The following COL5A2 variants were observed in gnomAD, a reference collection of about 807,000 sequenced individuals.
COL5A2 encodes collagen type V alpha 2 chain.
In COL5A2, 23 loss-of-function variants were observed where a neutral mutation model predicts 208.2. The ratio of observed to expected loss-of-function variants is 0.11; its 90% CI spans 0.08 to 0.16. The LOEUF (loss-of-function observed/expected upper bound fraction) is 0.16, where lower values mean the gene tolerates loss of function less well. COL5A2 is among the 10% of genes least tolerant of loss of function. The probability of loss-of-function intolerance (pLI) is 1.00; values close to 1 mark genes in which losing one functional copy is unlikely to be tolerated. For synonymous variants in COL5A2, 625 were observed against 628.5 expected (o/e 0.99, Z 0.08); for missense variants, 1,590 against 1,956.4 (o/e 0.81, Z 3.53).
chr2:189,289,510 A>G, the COL5A2 span, among the ~76,000 whole-genome samples: 1 of 152,192 alleles, frequency 6.6e-6, no homozygotes, highest in Non-Finnish European at 1.5e-5. Context: ...TTTCTATTCA[A>G]CATAGTACTA....
rs1033855831 is a variant in COL5A2 at position 189,179,548 on chromosome 2, C to A, written c.57G>T (p.Gly19=). 4 of 1,611,162 alleles carry A rather than the reference C, an allele frequency of 2.5e-6. No homozygotes were observed. The highest frequency in any genetic ancestry group is 3.4e-6 in the Non-Finnish European group (4 of 1,178,626). The change falls in exon 1 of 54, where the codon GGG becomes GGT. Residue 19 remains glycine, a synonymous_variant. Transcript: ENST00000374866. ...CCTGGGCTTTTATTGAGACAAATTGCCCTAATAAAACAATAAGAATGAGGA... is the reference window on the plus strand; with the variant it reads ...CCTGGGCTTTTATTGAGACAAATTGACCTAATAAAACAATAAGAATGAGGA... ...RPLLILIVLL[G]QFVSIKAQEE... is the part of the protein sequence containing the mutation.
chr2:189,165,551 A>G (rs1356679254), intron 1 of COL5A2, among the ~76,000 whole-genome samples: 1 of 152,194 alleles, frequency 6.6e-6, no homozygotes, highest in Admixed American at 6.5e-5. Flanking sequence ...TAAAAGTACT[A>G]ATAACATCCA....
Position 189,110,327 on chromosome 2 carries a change from T to C in COL5A2, c.220A>G (p.Ile74Val), listed in dbSNP as rs1687236147. ...CDNGAILCDK[I>V]ECQDVLDCAD... is the part of the protein sequence containing the mutation. Reference sequence around the variant, plus strand: ...CAGTCCAGCACATCCTGGCATTCTATCTTGTCACAGAGAATGGCTCCATTG... The same window carrying C: ...CAGTCCAGCACATCCTGGCATTCTACCTTGTCACAGAGAATGGCTCCATTG... Residue 74 changes from isoleucine (I) to valine (V), a missense_variant, in exon 2 of 54, where the codon ATA (isoleucine) becomes GTA (valine). By Grantham distance (29) the Ile-to-Val change is conservative. Coordinates refer to ENST00000374866, the MANE Select transcript of COL5A2 (RefSeq NM_000393.5). 6.2e-7 allele frequency: 1 copy of C among 1,614,168 alleles called. No homozygotes were observed. The highest frequency in any genetic ancestry group is 2.2e-5 in the East Asian group (1 of 44,880).
At chr2:189,245,617 T>TG in the COL5A2 span, among the ~76,000 whole-genome samples, 1 of 151,848 alleles carries the variant, frequency 6.6e-6, no homozygotes, top group East Asian at 1.9e-4. Context: ...CCCGAGTAGC[T>TG]GGGACTACAG....
chr2:189,292,735 C>A, the COL5A2 span, among the ~76,000 whole-genome samples: 1 of 152,056 alleles, frequency 6.6e-6, no homozygotes, highest in Non-Finnish European at 1.5e-5. Flanking sequence ...ACCATTTGAC[C>A]CAGCCATCCT....
the COL5A2 span, among the ~76,000 whole-genome samples, chr2:189,240,460 C>T: frequency 6.6e-6 from 1 of 152,186 alleles, no homozygotes; most frequent in African/African-American, 2.4e-5. Flanking sequence ...CCTTCAAATA[C>T]TATCACACTG....
intron 1 of COL5A2, among the ~76,000 whole-genome samples, chr2:189,185,349 T>G (rs1230551664): frequency 6.6e-6 from 1 of 152,172 alleles, no homozygotes; most frequent in Non-Finnish European, 1.5e-5. Flanking sequence ...TTAAAAGATC[T>G]GTATGGCATG....
At chr2:189,259,196 A>G in the COL5A2 span, among the ~76,000 whole-genome samples, 2 of 152,182 alleles carry the variant, frequency 1.3e-5, no homozygotes, top group Non-Finnish European at 1.5e-5. Context: ...AAAGAAAAAA[A>G]TGCACTAGGA....
the COL5A2 span, among the ~76,000 whole-genome samples, chr2:189,298,410 C>T: frequency 6.6e-6 from 1 of 152,154 alleles, no homozygotes; most frequent in Non-Finnish European, 1.5e-5. Flanking sequence ...CCTCATTCTC[C>T]AATTCCATCT....
rs1685415466 is a variant in COL5A2 at position 189,035,031 on chromosome 2, T to C, written c.4238A>G (p.Asp1413Gly). The change falls in exon 53 of 54, where the codon GAC (aspartate) becomes GGC (glycine). Residue 1413 changes from aspartate (D) to glycine (G), a missense_variant. By Grantham distance (94) the Asp-to-Gly change is moderately conservative (BLOSUM62 -1). Transcript: ENST00000374866. ...YICKNSVGYM[D>G]DQAKNLKKAV... ...TTTTTTGAGGTTCTTAGCTTGATCG[T>C]CCATGTATCCTACACTGTTTTTACA... The C allele has an allele frequency of 6.2e-7, 1 of 1,613,834 alleles. No homozygotes were observed. Among genetic ancestry groups the C allele is most frequent in the African/African-American group, 1.3e-5 (1 of 74,906 alleles).
the COL5A2 span, among the ~76,000 whole-genome samples, chr2:189,248,480 G>C: frequency 3.3e-5 from 5 of 152,100 alleles, no homozygotes; most frequent in African/African-American, 1.2e-4. Flanking sequence ...AAACAAAGAA[G>C]TATTATCAAA....
the COL5A2 span, among the ~76,000 whole-genome samples, chr2:189,297,433 C>T: frequency 1.3e-5 from 2 of 152,228 alleles, no homozygotes; most frequent in East Asian, 1.9e-4. Context: ...GCATGACATG[C>T]TAGTACCAAA....
At chr2:189,084,116 A>G in intron 11 of COL5A2, 79 bp from the exon 12 acceptor site, 2 of 972,788 alleles carry the variant, frequency 2.1e-6, no homozygotes, top group Non-Finnish European at 3.3e-6. Context: ...TGATAAATAA[A>G]TTACTAATAA....
the COL5A2 span, among the ~76,000 whole-genome samples, chr2:189,413,661 G>T: frequency 6.6e-6 from 1 of 152,010 alleles, no homozygotes; most frequent in African/African-American, 2.4e-5. Flanking sequence ...GGAATTAGCG[G>T]CCGGGACAGG....
At chr2:189,203,809 A>G (rs1284235785) in intron 1 of COL5A2, among the ~76,000 whole-genome samples, 1 of 152,248 alleles carries the variant, frequency 6.6e-6, no homozygotes, top group Non-Finnish European at 1.5e-5. Context: ...AAGTTCAGAA[A>G]AGCAATGCTA....
intron 1 of COL5A2, among the ~76,000 whole-genome samples, chr2:189,192,366 C>G (rs540804656): frequency 2.0e-5 from 3 of 152,176 alleles, no homozygotes; most frequent in South Asian, 2.1e-4. Context: ...AATATTCTCT[C>G]TGGAAGTAGG....
intron 1 of COL5A2, among the ~76,000 whole-genome samples, chr2:189,207,488 T>C (rs1689156268): frequency 6.6e-6 from 1 of 152,216 alleles, no homozygotes; most frequent in African/African-American, 2.4e-5. Flanking sequence ...AATTCTGTTA[T>C]CAAGCATCCA....
the COL5A2 span, among the ~76,000 whole-genome samples, chr2:189,372,301 A>G: frequency 3.1e-4 from 47 of 152,340 alleles, 1 homozygote; most frequent in Admixed American, 2.3e-3. Flanking sequence ...AGAATTCTCT[A>G]AGACCAGTAG....
chr2:189,363,931 T>C, the COL5A2 span, among the ~76,000 whole-genome samples: 11 of 152,304 alleles, frequency 7.2e-5, no homozygotes, highest in Admixed American at 2.6e-4. Context: ...CACAAAGGCA[T>C]AGGCAGACTG....
Sources: allele counts gnomAD v4.1 joint callset (sites outside exome capture counted in the v4.1 genomes callset), GRCh38; gene constraint gnomAD v4.1.1; transcripts MANE v1.5; gene names NCBI Gene and HGNC (gene_info 2026-07-23, HGNC 2026-07-21).